The following UGGT2 variants were observed in gnomAD, a reference collection of about 807,000 sequenced individuals.
UGGT2 encodes UDP-glucose:glycoprotein glucosyltransferase 2.
Under a neutral mutation model 192.1 loss-of-function variants are expected in UGGT2, and 180 were observed. The ratio of observed to expected loss-of-function variants is 0.94; its 90% CI spans 0.83 to 1.06. The LOEUF is 1.06. Ranked by LOEUF, UGGT2 falls within the 50% of genes least tolerant of loss-of-function variation. The probability of loss-of-function intolerance (pLI) is 0.00; values close to 1 mark genes in which losing one functional copy is unlikely to be tolerated. For synonymous variants in UGGT2, 580 were observed against 591.0 expected (o/e 0.98, Z 0.27); for missense variants, 1,849 against 1,795.7 (o/e 1.03, Z -0.54).
At chr13:96,007,453 G>A (rs1013466572) in intron 5 of UGGT2, among the ~76,000 whole-genome samples, 1 of 151,980 alleles carries the variant, frequency 6.6e-6, no homozygotes, top group East Asian at 1.9e-4. Context: ...CTTAGCCAGA[G>A]TAATAAGGCA....
chr13:95,911,286 A>C (rs952015678), intron 20 of UGGT2, among the ~76,000 whole-genome samples: 4 of 152,188 alleles, frequency 2.6e-5, no homozygotes, highest in Admixed American at 1.3e-4. Context: ...TCAAAAAATC[A>C]ATGAATCCAG....
chr13:95,832,795 A>T (rs1235555136), intron 38 of UGGT2, 132 bp downstream of exon 38: 2 of 1,375,172 alleles, frequency 1.5e-6, no homozygotes, highest in African/African-American at 2.9e-5. Flanking sequence ...ATACACCTTT[A>T]AATTATGCCA....
In UGGT2 at chr13:95,932,311, TTGTGTGTG is replaced by T. The variant is rs67135742; in HGVS notation, c.1977+4605_1977+4612del. ...TTAGCTGTATTCCTAGGTATTTTAT[TTGTGTGTG>T]TGTGTGTGTGTGTGTGTGTGTGTGT... On this transcript the variant is annotated intron_variant, in intron 17 of 38. Transcript: ENST00000376747. Among the ~76,000 whole-genome samples, 127 of 139,500 alleles carry T rather than the reference TTGTGTGTG, an allele frequency of 9.1e-4. 1 individual carries two copies. Among genetic ancestry groups the T allele is most frequent in the East Asian group, 2.8e-3 (13 of 4,662 alleles). 91.5% of individuals were successfully genotyped at this position (139,500 alleles called of 152,430 possible).
chr13:95,877,427 G>T, intron 28 of UGGT2, 63 bp from the exon 29 acceptor site: 1 of 1,267,636 alleles, frequency 7.9e-7, no homozygotes, highest in Non-Finnish European at 1.1e-6. Context: ...AATTGCTCAT[G>T]AATACACGAA....
chr13:96,047,017 GCCT>G (rs2053334246), intron 1 of UGGT2, among the ~76,000 whole-genome samples: 1 of 152,234 alleles, frequency 6.6e-6, no homozygotes, highest in African/African-American at 2.4e-5. Context: ...AGGCCTGCCT[GCCT>G]CTGTAGACTC....
At chr13:95,812,618 T>C (rs1429239758) in intron 38 of UGGT2, among the ~76,000 whole-genome samples, 1 of 152,154 alleles carries the variant, frequency 6.6e-6, no homozygotes, top group Non-Finnish European at 1.5e-5. Context: ...TGAGTTGTAG[T>C]TCCCAATGCT....
chr13:95,883,787 G>A (rs920021983), intron 27 of UGGT2, among the ~76,000 whole-genome samples: 2 of 152,068 alleles, frequency 1.3e-5, no homozygotes, highest in Non-Finnish European at 2.9e-5. Flanking sequence ...ACTACCACAC[G>A]TATCTTAAAT....
chr13:95,839,872 T>C (rs76787796), intron 36 of UGGT2, among the ~76,000 whole-genome samples: 2,523 of 152,346 alleles, frequency 0.017, 29 homozygotes, highest in South Asian at 0.029. Flanking sequence ...TGATTTGCTA[T>C]TCCTAATGAC....
Position 95,818,534 on chromosome 13 carries a change from T to G in UGGT2, c.4528+14393A>C, listed in dbSNP as rs1002638651. Among the ~76,000 whole-genome samples, 5 of 152,134 alleles carry G rather than the reference T, an allele frequency of 3.3e-5. No individual in the cohort carries two copies. The South Asian group carries it at 1.0e-3, about 32-fold the overall frequency. ...TGAAAACAGAGTTGTACAGCAGAAC[T>G]GGATGGGAAGTTGCAAAGGTACTAT... On this transcript the variant is annotated intron_variant, in intron 38 of 38. Coordinates refer to ENST00000376747, the MANE Select transcript of UGGT2 (RefSeq NM_020121.4).
Position 95,903,078 on chromosome 13 carries a change from G to T in UGGT2, c.2296-18C>A, listed in dbSNP as rs372629581. ...CTTGTTTTCTGCAAACATATTTATA[G>T]ATTAAAAAGACCAGTATCATACATA... On this transcript the variant is annotated intron_variant, in intron 20 of 38. Coordinates refer to ENST00000376747, the MANE Select transcript of UGGT2 (RefSeq NM_020121.4). 3 of 1,596,862 alleles carry T rather than the reference G, an allele frequency of 1.9e-6. No individual in the cohort carries two copies. Among genetic ancestry groups the T allele is most frequent in the Non-Finnish European group, 2.6e-6 (3 of 1,173,954 alleles).
rs138676261 is a variant in UGGT2 at position 95,865,304 on chromosome 13, A to G, written c.3559-1590T>C. Among the ~76,000 whole-genome samples, 351 of 152,066 alleles carry G rather than the reference A, an allele frequency of 2.3e-3. 1 individual carries two copies. The highest frequency in any genetic ancestry group is 8.2e-3 in the African/African-American group (338 of 41,464). On this transcript the variant is annotated intron_variant, in intron 30 of 38. Transcript: ENST00000376747. Reference sequence around the variant, plus strand: ...CCTGTTTTTCTATCTTTTTACTGTAATTCTGAGAAAGAGGTGGTTAGGAGA... The same window carrying G: ...CCTGTTTTTCTATCTTTTTACTGTAGTTCTGAGAAAGAGGTGGTTAGGAGA...
intron 10 of UGGT2, among the ~76,000 whole-genome samples, chr13:95,983,087 G>A (rs35513205): frequency 0.019 from 2,891 of 152,214 alleles, 50 homozygotes; most frequent in Non-Finnish European, 0.029. Context: ...CTAGCTTCCC[G>A]CGCAGCCTAA....
intron 38 of UGGT2, among the ~76,000 whole-genome samples, chr13:95,810,302 A>T (rs1359710131): frequency 6.6e-6 from 1 of 152,192 alleles, no homozygotes; most frequent in African/African-American, 2.4e-5. Flanking sequence ...TTTTAAGCAG[A>T]TACACCACTT....
Position 96,014,663 on chromosome 13 carries a change from T to C in UGGT2, c.486-1182A>G, listed in dbSNP as rs925958192. ...TCTGTAACCGATGAAGAGACATGAA[T>C]GTGCAAAACAAGAGACACTGAATTT... is the stretch of plus-strand genomic sequence containing the variant. On this transcript the variant is annotated intron_variant, in intron 4 of 38. Coordinates refer to ENST00000376747, the MANE Select transcript of UGGT2 (RefSeq NM_020121.4). 2.6e-5 allele frequency among the ~76,000 whole-genome samples: 4 copies of C among 152,176 alleles called. No homozygotes were observed. The East Asian group carries it at 5.8e-4, about 22-fold the overall frequency.
intron 27 of UGGT2, among the ~76,000 whole-genome samples, chr13:95,881,141 A>T (rs76454001): frequency 1.3e-5 from 2 of 152,152 alleles, no homozygotes; most frequent in African/African-American, 4.8e-5. Flanking sequence ...CAATGAGCCG[A>T]GATCACGCCA....
At chr13:95,910,473 A>T (rs573363961) in intron 20 of UGGT2, among the ~76,000 whole-genome samples, 216 of 152,312 alleles carry the variant, frequency 1.4e-3, no homozygotes, top group African/African-American at 4.8e-3. Context: ...AAACCAACAA[A>T]GATTAAAAGA....
intron 25 of UGGT2, among the ~76,000 whole-genome samples, chr13:95,888,390 A>T (rs1307124708): frequency 6.6e-6 from 1 of 152,212 alleles, no homozygotes; most frequent in African/African-American, 2.4e-5. Context: ...GCTACCTACG[A>T]ATAAATACTT....
chr13:96,033,070 T>C (rs2052886382), intron 1 of UGGT2, among the ~76,000 whole-genome samples: 1 of 152,160 alleles, frequency 6.6e-6, no homozygotes, highest in South Asian at 2.1e-4. Context: ...CTTAAGAAAG[T>C]GTTCCAGCTA....
At chr13:96,033,595 T>C (rs909592903) in intron 1 of UGGT2, among the ~76,000 whole-genome samples, 1 of 152,198 alleles carries the variant, frequency 6.6e-6, no homozygotes, top group Non-Finnish European at 1.5e-5. Flanking sequence ...CAAAGCCCCC[T>C]GTCCCAACAC....
Sources: allele counts gnomAD v4.1 joint callset (sites outside exome capture counted in the v4.1 genomes callset), GRCh38; gene constraint gnomAD v4.1.1; transcripts MANE v1.5; gene names NCBI Gene and HGNC (gene_info 2026-07-23, HGNC 2026-07-21).